Variants in BRPF1 observed in about 807,000 individuals in gnomAD.
The protein encoded by BRPF1 is peregrin.
BRPF1 carries 15 observed loss-of-function variants against 115.0 expected under a neutral mutation model. The ratio of observed to expected loss-of-function variants is 0.13; its 90% CI spans 0.09 to 0.20. The LOEUF (loss-of-function observed/expected upper bound fraction) is 0.20, where lower values mean the gene tolerates loss of function less well. Among genes scored for constraint, BRPF1 ranks in the 10% least tolerant of loss-of-function variants. BRPF1 has a pLI of 1.00. For synonymous variants in BRPF1, 647 were observed against 619.8 expected, an observed-to-expected ratio of 1.04 and a Z score of -0.65; for missense variants, 1,118 against 1,638.3, an observed-to-expected ratio of 0.68 and a Z score of 5.48.
Position 9,745,969 on chromosome 3 carries a change from C to T in BRPF1, c.3324+39C>T. The T allele has an allele frequency of 6.3e-7, 1 of 1,577,986 alleles. No individual in the cohort carries two copies. The highest frequency in any genetic ancestry group is 1.2e-5 in the South Asian group (1 of 86,862). On this transcript the variant is annotated intron_variant, in intron 12 of 13. Transcript: ENST00000383829. The surrounding 1 kb of genome is among the most constrained non-coding windows in gnomAD (Gnocchi z 5.1). ...TGTTACACTTCTTGCTTTCCAATCC[C>T]AGAATACAGATTCACAGTTAGCAGA... is the stretch of plus-strand genomic sequence containing the variant.
At position 9,741,523 on chromosome 3, in the gene BRPF1, G is replaced by A. The variant is rs2077029820; in HGVS notation, c.1854+84G>A. On this transcript the variant is annotated intron_variant, in intron 5 of 13. Transcript: ENST00000383829. ...ATGGTGGCAGGCGCCTGTAGTCCCA[G>A]CTACTCGGGAGGCTGAGGCAGGAGA... is the stretch of plus-strand genomic sequence containing the variant. The A allele has an allele frequency of 2.2e-6, 3 of 1,375,988 alleles. No homozygotes were observed. The South Asian group carries it at 4.5e-5, about 21-fold the overall frequency. The allele number at this position is 1,375,988 out of a possible 1,614,324, so 85.2% of individuals were successfully genotyped here. A position where few individuals can be genotyped will look rare whatever the true frequency, so the allele number is the denominator to read the frequency against.
chr3:9,746,839 CT>C (rs1415393011), intron 13 of BRPF1, among the ~76,000 whole-genome samples: 1 of 152,172 alleles, frequency 6.6e-6, no homozygotes, highest in Non-Finnish European at 1.5e-5. Flanking sequence ...CACATGTAGT[CT>C]TTTTGTTAAT....
chr3:9,732,615 C>G (rs748600718), intron 1 of BRPF1: 3 of 152,242 alleles, frequency 2.0e-5, no homozygotes, highest in Non-Finnish European at 4.4e-5. Context: ...GAACCATTCA[C>G]CCGGGACCCA....
At chr3:9,744,053 C>T in intron 8 of BRPF1, 152 bp downstream of exon 8, 1 of 1,299,784 alleles carries the variant, frequency 7.7e-7, no homozygotes, top group Non-Finnish European at 1.1e-6. Flanking sequence ...CTCTTAGCTG[C>T]CTCTCTGGCT....
In BRPF1 at chr3:9,747,598, T is replaced by G; in HGVS notation, c.*249T>G. On this transcript the variant is annotated 3_prime_UTR_variant, in exon 14 of 14. Coordinates refer to ENST00000383829, the MANE Select transcript of BRPF1 (RefSeq NM_001003694.2). The surrounding 1 kb of genome is among the most constrained non-coding windows in gnomAD (Gnocchi z 5.6). ...CAGGTCAGAAAAAGCTCCAGAGACC[T>G]CACAGCATTGTAGGGCGGGGTGGTG... 2.3e-6 allele frequency: 1 copy of G among 427,832 alleles called. No individual in the cohort carries two copies. The highest frequency in any genetic ancestry group is 3.4e-5 in the East Asian group (1 of 29,138). The allele number at this position is 427,832 out of a possible 1,614,324, so 26.5% of individuals were successfully genotyped here.
At chr3:9,746,982 C>G (rs1454691147) in intron 13 of BRPF1, among the ~76,000 whole-genome samples, 184 bp from the exon 14 acceptor site, 1 of 152,166 alleles carries the variant, frequency 6.6e-6, no homozygotes, top group African/African-American at 2.4e-5. Flanking sequence ...CCGCCGCCAC[C>G]ACACAGTATA....
At position 9,745,686 on chromosome 3, in the gene BRPF1, C is replaced by G. The variant is rs780426513; in HGVS notation, c.3182C>G (p.Thr1061Ser). The G allele has an allele frequency of 6.2e-7, 1 of 1,614,244 alleles. No individual in the cohort carries two copies. Among genetic ancestry groups the G allele is most frequent in the South Asian group, 1.1e-5 (1 of 91,090 alleles). The stretch of plus-strand genomic sequence containing the variant: ...GAGAATGAGGCCTACTCCGTGGGCA[C>G]TGGCCGCGGCGTGGGCCACAGCAGT... The part of the protein sequence containing the change: ...GTENEAYSVG[T>S]GRGVGHSMVR... The change falls in exon 11 of 14, where the codon ACT becomes AGT. Residue 1061 changes from threonine to serine, a missense_variant. Coordinates refer to ENST00000383829, the MANE Select transcript of BRPF1 (RefSeq NM_001003694.2). The surrounding 1 kb of genome is among the most constrained non-coding windows in gnomAD (Gnocchi z 5.1).
At chr3:9,735,017 C>CTTTTT (rs781439048) in intron 2 of BRPF1, among the ~76,000 whole-genome samples, 7 of 120,202 alleles carry the variant, frequency 5.8e-5, no homozygotes, top group East Asian at 2.2e-4. Context: ...CAGATTTATC[C>CTTTTT]TTTTTTTTTT....
At chr3:9,744,910 A>G (rs566588034) in intron 9 of BRPF1, 98 bp from the exon 10 acceptor site, 5 of 1,539,258 alleles carry the variant, frequency 3.2e-6, no homozygotes, top group Non-Finnish European at 4.5e-6. Context: ...CCAGCACAGA[A>G]GGGGAACCCA....
intron 1 of BRPF1, among the ~76,000 whole-genome samples, chr3:9,733,528 T>G (rs1478372443): frequency 6.6e-6 from 1 of 152,216 alleles, no homozygotes; most frequent in Non-Finnish European, 1.5e-5. Flanking sequence ...GAGAATGGAA[T>G]GCTGTGGAAA....
chr3:9,744,499 C>A lies in BRPF1; in HGVS notation c.2911C>A (p.Pro971Thr). Reference protein sequence around the residue: ...DSDSDKSTEDPPMDLPANGFS... With the variant: ...DSDSDKSTEDTPMDLPANGFS... ...CGACAGTGATAAGTCCACAGAAGAC[C>A]CCCCAATGGGTGAGCCTTACCATCA... The change falls in exon 9 of 14, where the codon CCC becomes ACC. Residue 971 changes from proline (P) to threonine (T), a missense_variant. Around this residue, in one of 10 missense-constraint regions of BRPF1, gnomAD observed 92 missense variants for 102.2 expected, o/e 0.90. Transcript: ENST00000383829. 1 of 1,524,498 alleles carries A rather than the reference C, an allele frequency of 6.6e-7. No individual in the cohort carries two copies. Among genetic ancestry groups the A allele is most frequent in the South Asian group, 1.3e-5 (1 of 76,550 alleles). 94.4% of individuals were successfully genotyped at this position (1,524,498 alleles called of 1,614,324 possible).
Position 9,742,897 on chromosome 3 carries a change from A to G in BRPF1, c.2002-47A>G, listed in dbSNP as rs779163820. On this transcript the variant is annotated intron_variant, in intron 6 of 13. Transcript: ENST00000383829. Reference sequence around the variant, plus strand: ...CTTGTTAGGAGCAGGGTTCGGGGCAATAAGGAGGATATCTCCACTTAAAAC... The same window carrying G: ...CTTGTTAGGAGCAGGGTTCGGGGCAGTAAGGAGGATATCTCCACTTAAAAC... 4.4e-6 allele frequency: 7 copies of G among 1,580,694 alleles called. No individual in the cohort carries two copies. In the Admixed American group the frequency reaches 6.9e-5, roughly 16 times the overall value.
intron 3 of BRPF1, 51 bp from the exon 4 acceptor site, chr3:9,740,728 T>C (rs1306988024): frequency 6.2e-7 from 1 of 1,603,728 alleles, no homozygotes; most frequent in Admixed American, 1.7e-5. Flanking sequence ...CTTGCTCTGC[T>C]TAAGAGAATC....
At chr3:9,744,645 A>T in intron 9 of BRPF1, 137 bp downstream of exon 9, 1 of 681,182 alleles carries the variant, frequency 1.5e-6, no homozygotes, top group Non-Finnish European at 2.3e-6. Context: ...AACTCCACTC[A>T]CTCATCTTAC....
Position 9,747,074 on chromosome 3 carries a change from G to A in BRPF1, c.3480-92G>A, listed in dbSNP as rs2077140216. The A allele has an allele frequency of 1.4e-6, 2 of 1,418,188 alleles. No individual in the cohort carries two copies. Among genetic ancestry groups the A allele is most frequent in the East Asian group, 2.3e-5 (1 of 43,802 alleles). The allele number at this position is 1,418,188 out of a possible 1,614,324, so 87.9% of individuals were successfully genotyped here. A position where few individuals can be genotyped will look rare whatever the true frequency, so the allele number is the denominator to read the frequency against. On this transcript the variant is annotated intron_variant, in intron 13 of 13. Transcript: ENST00000383829. This position sits in a 1 kb window ranked among gnomAD's most constrained non-coding sequence, Gnocchi z 5.6. Reference sequence around the variant, plus strand: ...CCATCACAGAGTCTGGCCAGAGTGGGTGCTTGGGTGGTGTGTTTGAGTGAA... The same window carrying A: ...CCATCACAGAGTCTGGCCAGAGTGGATGCTTGGGTGGTGTGTTTGAGTGAA...
In BRPF1 at chr3:9,734,065, G is replaced by T; in HGVS notation, c.-10-66G>T. On this transcript the variant is annotated intron_variant, in intron 1 of 13. Transcript: ENST00000383829. The surrounding 1 kb of genome is among the most constrained non-coding windows in gnomAD (Gnocchi z 5.7). Reference sequence around the variant, plus strand: ...GTGAGGGGGAGGGCTAGAAAGACTGGGGTCTCTGGTGCAAATGGCCAGGAA... The same window carrying T: ...GTGAGGGGGAGGGCTAGAAAGACTGTGGTCTCTGGTGCAAATGGCCAGGAA... 1 of 1,517,968 alleles carries T rather than the reference G, an allele frequency of 6.6e-7. No individual in the cohort carries two copies. The highest frequency in any genetic ancestry group is 1.3e-5 in the South Asian group (1 of 75,466). 94.0% of individuals were successfully genotyped at this position (1,517,968 alleles called of 1,614,324 possible).
intron 1 of BRPF1, chr3:9,733,358 A>T (rs1341524096): frequency 6.6e-6 from 1 of 152,194 alleles, no homozygotes; most frequent in Non-Finnish European, 1.5e-5. Flanking sequence ...TCATTCAGCT[A>T]TTCGTTCAAC....
In BRPF1 at chr3:9,743,294, G is replaced by GGGGAT. The variant is rs2077063418; in HGVS notation, c.2311+44_2311+48dup. 1 of 1,575,062 alleles carries GGGGAT rather than the reference G, an allele frequency of 6.3e-7. No individual in the cohort carries two copies. Reference sequence around the variant, plus strand: ...CACACACATATAAGAGGCCAATGCCGGGGATGGACAGCTTTCCAAAAGTCC... The same window carrying GGGGAT: ...CACACACATATAAGAGGCCAATGCCGGGGATGGGATGGACAGCTTTCCAAAAGTCC... On this transcript the variant is annotated intron_variant, in intron 7 of 13. Transcript: ENST00000383829. The surrounding 1 kb of genome is among the most constrained non-coding windows in gnomAD (Gnocchi z 6.1).
At chr3:9,737,567 C>T (rs1345045159) in intron 2 of BRPF1, among the ~76,000 whole-genome samples, 1 of 152,274 alleles carries the variant, frequency 6.6e-6, no homozygotes, top group Non-Finnish European at 1.5e-5. Context: ...CTGGCCCACT[C>T]TAGCAGCCAA....
Sources: allele counts gnomAD v4.1 joint callset (sites outside exome capture counted in the v4.1 genomes callset), GRCh38; gene constraint gnomAD v4.1.1; regional missense constraint gnomAD v4.1.1; non-coding constraint Gnocchi (gnomAD v3.1); transcripts MANE v1.5; gene names NCBI Gene and HGNC (gene_info 2026-07-23, HGNC 2026-07-21).